Variants in ZNF280D observed in about 807,000 individuals in gnomAD.
The protein encoded by ZNF280D is suppressor of hairy wing homolog 4.
A neutral mutation model predicts 94.7 loss-of-function variants in ZNF280D; 39 were observed. The observed-to-expected ratio is 0.41, with a 90% CI of 0.32 to 0.54. ZNF280D has a LOEUF of 0.54. Ranked by LOEUF, ZNF280D falls within the 20% of genes least tolerant of loss-of-function variation. ZNF280D has a pLI of 0.22. For synonymous variants in ZNF280D, 398 were observed against 377.6 expected (o/e 1.05, Z -0.63); for missense variants, 1,090 against 1,149.3 (o/e 0.95, Z 0.75).
At chr15:56,640,533 T>C (rs2052578963) in intron 20 of ZNF280D, among the ~76,000 whole-genome samples, 2 of 152,170 alleles carry the variant, frequency 1.3e-5, no homozygotes, top group Admixed American at 6.6e-5. Context: ...AAAGATTTTA[T>C]TTATGCCAAA....
intron 3 of ZNF280D, among the ~76,000 whole-genome samples, chr15:56,705,971 C>A (rs2057378415): frequency 6.6e-6 from 1 of 150,488 alleles, no homozygotes; most frequent in Non-Finnish European, 1.5e-5. Flanking sequence ...TAGGTATAGG[C>A]TGAACTGTGT....
chr15:56,678,197 G>A (rs1012252834), intron 11 of ZNF280D, among the ~76,000 whole-genome samples: 3 of 151,838 alleles, frequency 2.0e-5, no homozygotes, highest in Admixed American at 6.6e-5. Context: ...TAGTAGAGAC[G>A]GGGTTTTGCC....
At chr15:56,723,700 A>G (rs1596688360) in intron 1 of ZNF280D, among the ~76,000 whole-genome samples, 1 of 151,926 alleles carries the variant, frequency 6.6e-6, no homozygotes, top group Admixed American at 6.6e-5. Context: ...TATTTCCCAC[A>G]CCATCCTTGC....
chr15:56,651,257 G>T (rs2053186670), intron 19 of ZNF280D, among the ~76,000 whole-genome samples: 1 of 152,094 alleles, frequency 6.6e-6, no homozygotes, highest in Admixed American at 6.6e-5. Flanking sequence ...AATGATGATG[G>T]ACTCAAACTG....
At chr15:56,635,435 T>C (rs2052309561) in intron 20 of ZNF280D, 185 bp from the exon 21 acceptor site, 1 of 192,104 alleles carries the variant, frequency 5.2e-6, no homozygotes, top group African/African-American at 2.4e-5. Flanking sequence ...GTTTTGAAAA[T>C]GTTTTTAAAC....
chr15:56,703,025 G>T (rs1341358915), intron 4 of ZNF280D, among the ~76,000 whole-genome samples: 1 of 151,290 alleles, frequency 6.6e-6, no homozygotes, highest in Admixed American at 6.6e-5. Flanking sequence ...ACAAGTAAAT[G>T]AAATGGAAAA....
intron 19 of ZNF280D, among the ~76,000 whole-genome samples, chr15:56,646,668 G>T (rs1359121108): frequency 6.6e-6 from 1 of 152,150 alleles, no homozygotes; most frequent in African/African-American, 2.4e-5. Context: ...AAGTGTTCCA[G>T]TCCAAAGTTA....
intron 19 of ZNF280D, among the ~76,000 whole-genome samples, chr15:56,651,597 T>C (rs72744952): frequency 1.3e-5 from 2 of 152,280 alleles, no homozygotes; most frequent in Non-Finnish European, 2.9e-5. Flanking sequence ...TTCCCTGGTA[T>C]TGGTAGGGGA....
chr15:56,709,958 G>A (rs937232345), intron 1 of ZNF280D, among the ~76,000 whole-genome samples: 1 of 152,122 alleles, frequency 6.6e-6, no homozygotes, highest in Non-Finnish European at 1.5e-5. Flanking sequence ...GTATACATAT[G>A]TAACAAACCT....
Position 56,700,975 on chromosome 15 carries a change from T to C in ZNF280D, c.339A>G (p.Arg113=). The change falls in exon 6 of 22, where the codon AGA becomes AGG. Residue 113 remains arginine (R), a synonymous_variant. Transcript: ENST00000267807. Reference sequence around the variant, plus strand: ...GAACAATAACAGAACTATCTGAAGATCTAGACTCAGGATGAAAATTTATTG... The same window carrying C: ...GAACAATAACAGAACTATCTGAAGACCTAGACTCAGGATGAAAATTTATTG... ...ASPINFHPES[R]SSDSSVIVQP... is the part of the protein sequence containing the mutation. 3.1e-6 allele frequency: 5 copies of C among 1,613,914 alleles called. No homozygotes were observed. Among genetic ancestry groups the C allele is most frequent in the Non-Finnish European group, 4.2e-6 (5 of 1,179,852 alleles).
chr15:56,733,400 C>T, intron 1 of ZNF280D, 58 bp downstream of exon 1: 1 of 962,600 alleles, frequency 1.0e-6, no homozygotes. Flanking sequence ...GCGCAGGCCG[C>T]GCGGGAGGGC....
Position 56,689,048 on chromosome 15 carries a change from T to C in ZNF280D, c.773A>G (p.His258Arg). The C allele has an allele frequency of 6.3e-7, 1 of 1,594,794 alleles. No individual in the cohort carries two copies. ...ATTTTGAAAGAGTTTTACCTTCATGTGATTTTTCAAAGGATCCAAAAGATT... is the reference window on the plus strand; with the variant it reads ...ATTTTGAAAGAGTTTTACCTTCATGCGATTTTTCAAAGGATCCAAAAGATT... ...HFNLLDPLKN[H>R]MKYCCPDMIN... Residue 258 changes from histidine to arginine, a missense_variant, in exon 9 of 22, where the codon CAC becomes CGC. By Grantham distance (29) the His-to-Arg change is conservative (BLOSUM62 0). Coordinates refer to ENST00000267807, the MANE Select transcript of ZNF280D (RefSeq NM_017661.4).
At chr15:56,730,726 A>C (rs1567054622) in intron 1 of ZNF280D, 1 of 152,214 alleles carries the variant, frequency 6.6e-6, no homozygotes, top group Non-Finnish European at 1.5e-5. Flanking sequence ...CAAGTTCCCT[A>C]AAGTAGATGG....
In ZNF280D at chr15:56,682,671, A is replaced by C. The variant is rs193196211; in HGVS notation, c.781-194T>G. Among the ~76,000 whole-genome samples the C allele has an allele frequency of 8.6e-4, 130 of 151,722 alleles. 1 individual carries two copies. Among genetic ancestry groups the C allele is most frequent in the Non-Finnish European group, 1.8e-3 (121 of 67,876 alleles). ...AAAATTCAAATAATAAACACCTATT[A>C]TCTTCATGTAAAAATTCAAAAAGAT... On this transcript the variant is annotated intron_variant, in intron 9 of 21. Transcript: ENST00000267807.
At chr15:56,681,499 C>T (rs1183442100) in intron 10 of ZNF280D, among the ~76,000 whole-genome samples, 1 of 152,104 alleles carries the variant, frequency 6.6e-6, no homozygotes, top group Non-Finnish European at 1.5e-5. Context: ...ATTTTCAAAA[C>T]TCTGCTTAAT....
chr15:56,714,924 T>C (rs2057956764), intron 1 of ZNF280D, among the ~76,000 whole-genome samples: 1 of 152,140 alleles, frequency 6.6e-6, no homozygotes, highest in Non-Finnish European at 1.5e-5. Context: ...ATGAAAAGGA[T>C]CCTATCTCAA....
intron 19 of ZNF280D, chr15:56,652,686 T>C: frequency 1.0e-6 from 1 of 985,336 alleles, no homozygotes; most frequent in South Asian, 4.7e-5. Flanking sequence ...AGACATTACA[T>C]CTTAGACGCA....
rs537984899 is a variant in ZNF280D, at chr15:56,692,786, AT to A, written c.499+311del. On this transcript the variant is annotated intron_variant, in intron 7 of 21. Transcript: ENST00000267807. The stretch of plus-strand genomic sequence containing the variant: ...TAATTAATACTTTTTTAAACAGAGT[AT>A]TCAGGCTACCTGAGAAGTTCTCTAA... Among the ~76,000 whole-genome samples the A allele has an allele frequency of 8.5e-5, 13 of 152,264 alleles. No individual in the cohort carries two copies. In the South Asian group the frequency reaches 2.7e-3, roughly 32 times the overall value.
intron 1 of ZNF280D, among the ~76,000 whole-genome samples, chr15:56,731,310 C>G (rs1405655843): frequency 1.3e-5 from 2 of 151,846 alleles, no homozygotes; most frequent in Non-Finnish European, 2.9e-5. Flanking sequence ...TGACACCAGC[C>G]TAGGTAACAC....
Sources: gnomAD v4.1 joint callset for allele counts (sites outside exome capture counted in the v4.1 genomes callset) on GRCh38, gnomAD v4.1.1 for gene constraint, MANE v1.5 for transcripts, NCBI Gene and HGNC (gene_info 2026-07-23, HGNC 2026-07-21) for gene names.